Variants in TMC1 observed in about 807,000 individuals in gnomAD.
The protein encoded by TMC1 is transmembrane channel like 1, also known as transmembrane channel-like protein 1.
Under a neutral mutation model 105.8 loss-of-function variants are expected in TMC1, and 84 were observed. The observed-to-expected ratio is 0.79, with a 90% CI of 0.67 to 0.95. TMC1 has a LOEUF of 0.95. Ranked by LOEUF, TMC1 falls within the 40% of genes least tolerant of loss-of-function variation. The pLI, the probability that TMC1 is intolerant of heterozygous loss-of-function variation, is 0.00. For synonymous variants in TMC1, 315 were observed against 311.5 expected, an observed-to-expected ratio of 1.01 and a Z score of -0.12; for missense variants, 817 against 914.1, an observed-to-expected ratio of 0.89 and a Z score of 1.37.
At chr9:72,664,384 T>C (rs1000733819) in intron 5 of TMC1, among the ~76,000 whole-genome samples, 2 of 152,168 alleles carry the variant, frequency 1.3e-5, no homozygotes, top group Non-Finnish European at 2.9e-5. Context: ...GGCAGTTCCC[T>C]GGCAAAAGCC....
chr9:72,724,628 T>C (rs903390245), intron 8 of TMC1, among the ~76,000 whole-genome samples: 1 of 152,222 alleles, frequency 6.6e-6, no homozygotes, highest in African/African-American at 2.4e-5. Flanking sequence ...AAGTTCTTTT[T>C]AGATAGATAA....
intron 3 of TMC1, among the ~76,000 whole-genome samples, chr9:72,622,142 C>T (rs1024056347): frequency 6.6e-6 from 1 of 152,188 alleles, no homozygotes; most frequent in East Asian, 1.9e-4. Flanking sequence ...CCAGGTGCAC[C>T]TACAGGCCAT....
chr9:72,682,108 A>G (rs1270151283), intron 5 of TMC1, among the ~76,000 whole-genome samples: 1 of 152,160 alleles, frequency 6.6e-6, no homozygotes, highest in East Asian at 1.9e-4. Flanking sequence ...TTTTGAAACC[A>G]CAGAGATTGA....
intron 8 of TMC1, among the ~76,000 whole-genome samples, chr9:72,718,967 A>T (rs1826969903): frequency 6.6e-6 from 1 of 152,108 alleles, no homozygotes; most frequent in Non-Finnish European, 1.5e-5. Flanking sequence ...TGTGTCATGC[A>T]GGTTGTCAGG....
intron 7 of TMC1, among the ~76,000 whole-genome samples, chr9:72,699,388 C>G (rs897007216): frequency 6.6e-6 from 1 of 152,100 alleles, no homozygotes. Flanking sequence ...TAACAGATAA[C>G]ATTAAGTTAC....
rs1246615890 is a variant in TMC1 at position 72,820,873 on chromosome 9, G to A, written c.1795G>A (p.Gly599Ser). 38 of 1,614,044 alleles carry A rather than the reference G, an allele frequency of 2.4e-5. No homozygotes were observed. The highest frequency in any genetic ancestry group is 3.1e-5 in the Non-Finnish European group (37 of 1,180,034). Residue 599 changes from glycine to serine, a missense_variant, in exon 20 of 24, where the codon GGC becomes AGC. Transcript: ENST00000297784. ...MGSFFAPSLP[G>S]INILRLHTSM... ...CTCCTTCTTTGCTCCCAGCCTCCCA[G>A]GCATCAATATCCTTCGACTCCATAC...
chr9:72,619,004 T>C (rs1315009222), intron 3 of TMC1, among the ~76,000 whole-genome samples: 5 of 152,190 alleles, frequency 3.3e-5, no homozygotes. Flanking sequence ...GCTCTCCAAA[T>C]GCCATTTTCC....
At chr9:72,598,439 G>GTTT (rs935162720) in intron 2 of TMC1, among the ~76,000 whole-genome samples, 1 of 147,036 alleles carries the variant, frequency 6.8e-6, no homozygotes. Context: ...TTCAAAGTAA[G>GTTT]TTTTTTTTTT....
rs78175482 is a variant in TMC1 at position 72,754,470 on chromosome 9, CTCCTT to C, written c.643-312_643-308del. On this transcript the variant is annotated intron_variant, in intron 11 of 23. Coordinates refer to ENST00000297784, the MANE Select transcript of TMC1 (RefSeq NM_138691.3). ...CTATGTGACTCAAAAGGCTACCTCT[CTCCTT>C]TCCAGACTTCCAAGTCAGAACAGTT... 1.1e-4 allele frequency among the ~76,000 whole-genome samples: 17 copies of C among 152,282 alleles called. No individual in the cohort carries two copies. In the East Asian group the frequency reaches 2.9e-3, roughly 26 times the overall value.
chr9:72,603,583 T>G (rs1824857387), intron 2 of TMC1, among the ~76,000 whole-genome samples: 1 of 152,186 alleles, frequency 6.6e-6, no homozygotes, highest in African/African-American at 2.4e-5. Context: ...TTGCTGTTTT[T>G]AAATCTTGCT....
At chr9:72,593,376 TTTTTCTTTTC>T (rs761523804) in intron 2 of TMC1, among the ~76,000 whole-genome samples, 28 of 152,136 alleles carry the variant, frequency 1.8e-4, no homozygotes, top group African/African-American at 6.3e-4. Flanking sequence ...CCCATTTTCT[TTTTTCTTTTC>T]TTTTCTTTTC....
At chr9:72,606,717 C>A (rs917887903) in intron 2 of TMC1, among the ~76,000 whole-genome samples, 10 of 151,944 alleles carry the variant, frequency 6.6e-5, no homozygotes, top group African/African-American at 2.4e-4. Flanking sequence ...ATATTAGTGA[C>A]CAATGGTCTA....
chr9:72,811,845 T>C (rs1828711182), intron 18 of TMC1, among the ~76,000 whole-genome samples: 1 of 152,218 alleles, frequency 6.6e-6, no homozygotes, highest in Non-Finnish European at 1.5e-5. Flanking sequence ...TTGTATTATG[T>C]CACATCTCAA....
intron 5 of TMC1, among the ~76,000 whole-genome samples, chr9:72,682,963 A>G (rs1212747889): frequency 6.6e-6 from 1 of 152,178 alleles, no homozygotes; most frequent in African/African-American, 2.4e-5. Context: ...AAGAGAGAGA[A>G]GGGGAAGGTG....
rs568022095 is a variant in TMC1 at position 72,783,377 on chromosome 9, A to G, written c.885-4962A>G. Among the ~76,000 whole-genome samples the G allele has an allele frequency of 6.4e-4, 98 of 152,318 alleles. 1 individual carries two copies. In the Middle Eastern group the frequency reaches 0.024, roughly 37 times the overall value. On this transcript the variant is annotated intron_variant, in intron 13 of 23. Transcript: ENST00000297784. Reference sequence around the variant, plus strand: ...CACTGGTGTAAGTCCCAGAGTCCAGATGCTGAAGAACCTGGAGTCTGATAT... The same window carrying G: ...CACTGGTGTAAGTCCCAGAGTCCAGGTGCTGAAGAACCTGGAGTCTGATAT...
At chr9:72,679,707 C>T (rs1826257380) in intron 5 of TMC1, among the ~76,000 whole-genome samples, 1 of 151,992 alleles carries the variant, frequency 6.6e-6, no homozygotes, top group East Asian at 1.9e-4. Flanking sequence ...TGGCACTAAT[C>T]CATTCATGAA....
At position 72,752,963 on chromosome 9, in the gene TMC1, G is replaced by A. The variant is rs575435137; in HGVS notation, c.642+1007G>A. ...TCACAACAAATTTATGATGTAGACTGTAGAAGACATTTTCTTCACCCATTT... is the reference window on the plus strand; with the variant it reads ...TCACAACAAATTTATGATGTAGACTATAGAAGACATTTTCTTCACCCATTT... On this transcript the variant is annotated intron_variant, in intron 11 of 23. Coordinates refer to ENST00000297784, the MANE Select transcript of TMC1 (RefSeq NM_138691.3). 7.2e-5 allele frequency among the ~76,000 whole-genome samples: 11 copies of A among 152,266 alleles called. No homozygotes were observed. The East Asian group carries it at 1.4e-3, about 19-fold the overall frequency.
intron 20 of TMC1, among the ~76,000 whole-genome samples, chr9:72,822,445 T>G (rs939494691): frequency 2.0e-5 from 3 of 152,036 alleles, no homozygotes; most frequent in African/African-American, 4.8e-5. Context: ...TTAAGCCAGC[T>G]GATCGAGTTA....
At chr9:72,668,680 G>A (rs890745651) in intron 5 of TMC1, among the ~76,000 whole-genome samples, 2 of 152,236 alleles carry the variant, frequency 1.3e-5, no homozygotes, top group East Asian at 1.9e-4. Context: ...GAACATTTTA[G>A]CCTCTATCGA....
Sources: gnomAD v4.1 joint callset for allele counts (sites outside exome capture counted in the v4.1 genomes callset) on GRCh38, gnomAD v4.1.1 for gene constraint, MANE v1.5 for transcripts, NCBI Gene and HGNC (gene_info 2026-07-23, HGNC 2026-07-21) for gene names.